The following ATG16L1 variants were observed in gnomAD, a reference collection of about 807,000 sequenced individuals.
The protein encoded by ATG16L1 is autophagy related 16 like 1, also known as autophagy-related protein 16-1.
In ATG16L1, 37 loss-of-function variants were observed where a neutral mutation model predicts 88.5. The observed-to-expected ratio is 0.42, with a 90% CI of 0.32 to 0.55. The LOEUF is 0.55. Among genes scored for constraint, ATG16L1 ranks in the 20% least tolerant of loss-of-function variants. ATG16L1 has a pLI of 0.13. For synonymous variants in ATG16L1, 301 were observed against 281.0 expected, an observed-to-expected ratio of 1.07 and a Z score of -0.71; for missense variants, 554 against 752.8, an observed-to-expected ratio of 0.74 and a Z score of 3.09.
Position 233,291,119 on chromosome 2 carries a change from A to G in ATG16L1, c.1430+766A>G, listed in dbSNP as rs117110998. On this transcript the variant is annotated intron_variant, in intron 14 of 17. Coordinates refer to ENST00000392017, the MANE Select transcript of ATG16L1 (RefSeq NM_030803.7). The stretch of plus-strand genomic sequence containing the variant: ...TTATTGACAGGTTGGAGGAAGGGGA[A>G]GACAGGATGGAGAGTAAATGAGGAC... Among the ~76,000 whole-genome samples the G allele has an allele frequency of 3.7e-3, 568 of 152,258 alleles. 8 individuals carry two copies. The highest frequency in any genetic ancestry group is 0.031 in the East Asian group (163 of 5,182).
At chr2:233,287,543 T>C (rs1699166471) in intron 12 of ATG16L1, among the ~76,000 whole-genome samples, 1 of 152,212 alleles carries the variant, frequency 6.6e-6, no homozygotes, top group Non-Finnish European at 1.5e-5. Context: ...AGATAGTGAA[T>C]ATAAATACAA....
At chr2:233,293,758 T>A (rs923939289) in intron 17 of ATG16L1, among the ~76,000 whole-genome samples, 4 of 151,752 alleles carry the variant, frequency 2.6e-5, no homozygotes, top group Admixed American at 1.3e-4. Flanking sequence ...TCCACACACC[T>A]TCTTTTATCT....
At chr2:233,278,492 C>T (rs994370698) in intron 10 of ATG16L1, among the ~76,000 whole-genome samples, 1 of 152,170 alleles carries the variant, frequency 6.6e-6, no homozygotes, top group Non-Finnish European at 1.5e-5. Context: ...TTCCCCTGAT[C>T]ATCACAACAG....
chr2:233,266,835 G>C (rs1394176177), intron 5 of ATG16L1, among the ~76,000 whole-genome samples: 1 of 152,166 alleles, frequency 6.6e-6, no homozygotes, highest in East Asian at 1.9e-4. Context: ...ACAACCACTT[G>C]GATGGAACTG....
chr2:233,274,045 A>G, intron 8 of ATG16L1: 2 of 1,550,098 alleles, frequency 1.3e-6, no homozygotes, highest in South Asian at 1.2e-5. Flanking sequence ...CTGCCAGGTG[A>G]AACTATTATC....
chr2:233,256,308 TTTTGTCA>T, intron 2 of ATG16L1, 113 bp downstream of exon 2: 1 of 872,898 alleles, frequency 1.1e-6, no homozygotes, highest in Non-Finnish European at 1.8e-6. Flanking sequence ...GTGTTCCAGT[TTTTGTCA>T]GCTCCTTTCA....
intron 14 of ATG16L1, 35 bp from the exon 15 acceptor site, chr2:233,292,093 T>G: frequency 6.2e-7 from 1 of 1,608,080 alleles, no homozygotes; most frequent in Non-Finnish European, 8.5e-7. Context: ...AGTTCTGGCC[T>G]ACGTTACATT....
intron 1 of ATG16L1, 41 bp downstream of exon 1, chr2:233,251,983 C>T: frequency 6.8e-7 from 1 of 1,472,794 alleles, no homozygotes; most frequent in Non-Finnish European, 9.0e-7. Flanking sequence ...GGCGGGCGGG[C>T]CCCGCGGAGG....
At chr2:233,259,679 C>T (rs1697063769) in intron 2 of ATG16L1, among the ~76,000 whole-genome samples, 1 of 152,158 alleles carries the variant, frequency 6.6e-6, no homozygotes, top group African/African-American at 2.4e-5. Context: ...TAAGCCTGCC[C>T]TCCTGACTTC....
chr2:233,288,847 A>G, intron 12 of ATG16L1: 1 of 519,214 alleles, frequency 1.9e-6, no homozygotes, highest in South Asian at 1.4e-5. Flanking sequence ...CAGGGAAGAC[A>G]CTGGTTGGCA....
chr2:233,271,279 G>GTATTT (rs1244692531), intron 6 of ATG16L1, among the ~76,000 whole-genome samples: 4 of 152,110 alleles, frequency 2.6e-5, no homozygotes, highest in Non-Finnish European at 4.4e-5. Context: ...ATTTTATTTT[G>GTATTT]TATTTTATTT....
rs1342902852 is a variant in ATG16L1 at position 233,251,795 on chromosome 2, T to G, written c.-33T>G. 6.5e-7 allele frequency: 1 copy of G among 1,538,706 alleles called. No individual in the cohort carries two copies. Among genetic ancestry groups the G allele is most frequent in the Admixed American group, 2.0e-5 (1 of 50,992 alleles). On this transcript the variant is annotated 5_prime_UTR_variant, in exon 1 of 18. In the 5' UTR this introduces an upstream ATG that the reference lacks. Transcript: ENST00000392017. ...TGCGGCCGTCAGCCCTCGCTCGCAT[T>G]GGTGGCGCTGAGGTGCCGGGGCAGC...
rs1180921427 is a variant in ATG16L1 at position 233,251,722 on chromosome 2, C to T, written c.-106C>T. On this transcript the variant is annotated 5_prime_UTR_variant, in exon 1 of 18. Transcript: ENST00000392017. ...ACTGCCAGTGTGTGGAGGTGAGCTC[C>T]GGGATTGCCGGCATTCCCGCTTCTG... is the stretch of plus-strand genomic sequence containing the variant. 8.9e-6 allele frequency: 9 copies of T among 1,013,034 alleles called. No individual in the cohort carries two copies. The Admixed American group carries it at 1.2e-4, about 14-fold the overall frequency. 62.8% of individuals were successfully genotyped at this position (1,013,034 alleles called of 1,614,324 possible). A position where few individuals can be genotyped will look rare whatever the true frequency, so the allele number is the denominator to read the frequency against.
Position 233,263,199 on chromosome 2 carries a change from A to G in ATG16L1, c.279A>G (p.Gln93=). 1 of 1,614,124 alleles carries G rather than the reference A, an allele frequency of 6.2e-7. No homozygotes were observed. Among genetic ancestry groups the G allele is most frequent in the Non-Finnish European group, 8.5e-7 (1 of 1,180,016 alleles). Residue 93 remains glutamine, a synonymous_variant, in exon 3 of 18, where the codon CAA becomes CAG. Coordinates refer to ENST00000392017, the MANE Select transcript of ATG16L1 (RefSeq NM_030803.7). ...TGGCCCAACTGAGGATTAAGCACCAAGAGGAACTGACTGAATTACACAAGA... is the reference window on the plus strand; with the variant it reads ...TGGCCCAACTGAGGATTAAGCACCAGGAGGAACTGACTGAATTACACAAGA... The part of the protein sequence containing the change: ...QEMAQLRIKH[Q]EELTELHKKR...
intron 12 of ATG16L1, among the ~76,000 whole-genome samples, chr2:233,289,408 T>TGTGTGTGTGTGTGTGTGTGTGTGAGAGA (rs144316394): frequency 5.3e-5 from 8 of 149,654 alleles, no homozygotes; most frequent in African/African-American, 1.7e-4. Context: ...TGTGTGTGTG[T>TGTGTGTGTGTGTGTGTGTGTGTGAGAGA]GACAGGATCT....
intron 17 of ATG16L1, 22 bp from the exon 18 acceptor site, chr2:233,294,235 T>C: frequency 6.4e-7 from 1 of 1,556,924 alleles, no homozygotes; most frequent in Non-Finnish European, 8.7e-7. Flanking sequence ...AACTTGGTGC[T>C]TTTCTGATCT....
At chr2:233,258,986 C>T (rs1697008996) in intron 2 of ATG16L1, among the ~76,000 whole-genome samples, 1 of 152,152 alleles carries the variant, frequency 6.6e-6, no homozygotes, top group Non-Finnish European at 1.5e-5. Flanking sequence ...AGGCATGAGC[C>T]ACCACACCCA....
chr2:233,284,498 AT>A (rs1194537199), intron 12 of ATG16L1, among the ~76,000 whole-genome samples: 1 of 151,704 alleles, frequency 6.6e-6, no homozygotes, highest in Admixed American at 6.6e-5. Flanking sequence ...CACCTGGCTA[AT>A]TTTTTTGTAT....
At chr2:233,269,878 AGGGT>A in intron 5 of ATG16L1, 120 bp from the exon 6 acceptor site, 1 of 858,764 alleles carries the variant, frequency 1.2e-6, no homozygotes, top group South Asian at 2.7e-5. Flanking sequence ...TATTTTGCTC[AGGGT>A]AGTTGTTATT....
Sources: gnomAD v4.1 joint callset for allele counts (sites outside exome capture counted in the v4.1 genomes callset) on GRCh38, gnomAD v4.1.1 for gene constraint, MANE v1.5 for transcripts, NCBI Gene and HGNC (gene_info 2026-07-23, HGNC 2026-07-21) for gene names.